TTC34: variants seen among roughly 807,000 people sequenced by gnomAD.
TTC34 encodes the protein tetratricopeptide repeat domain 34.
A neutral mutation model predicts 40.7 loss-of-function variants in TTC34; 44 were observed. The observed-to-expected ratio is 1.08, with a 90% CI of 0.85 to 1.39. The LOEUF (loss-of-function observed/expected upper bound fraction) is 1.39. Among genes scored for constraint, TTC34 ranks in the 40% most tolerant of loss-of-function variants. The pLI is 0.00. For missense variants in TTC34, 884 were observed against 838.0 expected, an observed-to-expected ratio of 1.05 and a Z score of -0.68; for synonymous variants, 422 against 398.6, an observed-to-expected ratio of 1.06 and a Z score of -0.70.
At chr1:2,783,653 G>C in exon 6 of TTC34, 1 of 1,524,956 alleles carries the variant, frequency 6.6e-7, no homozygotes, top group Non-Finnish European at 8.8e-7. Context: ...CGTCCACACA[G>C]TGCCTGCACG....
intron 6 of TTC34, among the ~76,000 whole-genome samples, chr1:2,763,957 CA>C (rs1641712579): frequency 4.5e-4 from 5 of 11,212 alleles, no homozygotes; most frequent in African/African-American, 6.7e-4. Flanking sequence ...GAGAATCTGA[CA>C]CCATAAAACA....
At position 2,779,344 on chromosome 1, in the gene TTC34, G is replaced by A. The variant is rs148852116; in HGVS notation, c.2226+4265C>T. Among the ~76,000 whole-genome samples, 869 of 151,566 alleles carry A rather than the reference G, an allele frequency of 5.7e-3. 10 individuals carry two copies. The highest frequency in any genetic ancestry group is 0.018 in the Admixed American group (270 of 15,258). On this transcript the variant is annotated intron_variant, in intron 6 of 8. Coordinates refer to ENST00000401095, the Ensembl canonical transcript of TTC34. ...CTATTTTTTTTTTCTTTTTTTTGGA[G>A]CTGGAGTCTCGCTCTGTCGCCCAGG...
intron 6 of TTC34, among the ~76,000 whole-genome samples, chr1:2,687,481 C>G (rs1640417701): frequency 1.3e-5 from 2 of 148,972 alleles, no homozygotes; most frequent in African/African-American, 5.2e-5. Context: ...GAACAGCACC[C>G]ACACACTCAG....
At chr1:2,750,343 AGC>A (rs2100427257) in intron 6 of TTC34, among the ~76,000 whole-genome samples, 2 of 82,770 alleles carry the variant, frequency 2.4e-5, no homozygotes, top group Admixed American at 1.5e-4. Flanking sequence ...AGCCTCTGAC[AGC>A]CTTGAACAGC....
chr1:2,698,209 C>G (rs201725264), intron 6 of TTC34, among the ~76,000 whole-genome samples: 823 of 51,422 alleles, frequency 0.016, 173 homozygotes, highest in Admixed American at 0.1. Flanking sequence ...CCCACACCCC[C>G]AGGCGAGCAT....
chr1:2,751,186 C>A (rs1288599397), intron 6 of TTC34, among the ~76,000 whole-genome samples: 1 of 60,296 alleles, frequency 1.7e-5, no homozygotes, highest in African/African-American at 6.6e-5. Context: ...GAGCATCCGA[C>A]AGCCTGGAGC....
chr1:2,785,748 T>C (rs1036020677), intron 5 of TTC34, 71 bp downstream of exon 5: 50 of 1,463,666 alleles, frequency 3.4e-5, no homozygotes, highest in Non-Finnish European at 4.4e-5. Flanking sequence ...CCAACCAGCA[T>C]GGCAGAGACT....
At chr1:2,684,576 A>T (rs1315189908) in intron 6 of TTC34, among the ~76,000 whole-genome samples, 1 of 134,646 alleles carries the variant, frequency 7.4e-6, no homozygotes, top group Admixed American at 7.4e-5. Context: ...AGCATCCGAT[A>T]GCCTGGAGCA....
At chr1:2,694,259 GC>G (rs1640760822) in intron 6 of TTC34, among the ~76,000 whole-genome samples, 11 of 108,784 alleles carry the variant, frequency 1.0e-4, no homozygotes, top group Non-Finnish European at 1.6e-4. Flanking sequence ...GCCTGGAGCA[GC>G]ACCCCACACC....
At chr1:2,777,697 G>GGC (rs1553168971) in intron 6 of TTC34, among the ~76,000 whole-genome samples, 1 of 151,738 alleles carries the variant, frequency 6.6e-6, no homozygotes, top group Admixed American at 6.6e-5. Context: ...ATGGGGGGGG[G>GGC]GGCGCAGCAT....
At chr1:2,683,813 A>G (rs1327780294) in intron 6 of TTC34, among the ~76,000 whole-genome samples, 1 of 148,244 alleles carries the variant, frequency 6.7e-6, no homozygotes, top group African/African-American at 2.5e-5. Flanking sequence ...AGCATCTGAC[A>G]GCCGGGAACA....
At chr1:2,693,147 CCCA>C (rs1640704068) in intron 6 of TTC34, among the ~76,000 whole-genome samples, 1 of 60,262 alleles carries the variant, frequency 1.7e-5, no homozygotes, top group Non-Finnish European at 3.6e-5. Flanking sequence ...AACCCACACC[CCCA>C]GGCGAGCATC....
chr1:2,641,371 C>G, exon 9 of TTC34: 1 of 1,507,420 alleles, frequency 6.6e-7, no homozygotes, highest in South Asian at 1.3e-5. Flanking sequence ...GGCCCAGTCA[C>G]TGTAGCCAGC....
intron 6 of TTC34, among the ~76,000 whole-genome samples, chr1:2,687,479 C>T (rs1640417516): frequency 4.1e-5 from 6 of 146,922 alleles, no homozygotes; most frequent in African/African-American, 1.6e-4. Context: ...TGGAACAGCA[C>T]CCACACACTC....
chr1:2,750,203 C>A (rs1641269319), intron 6 of TTC34, among the ~76,000 whole-genome samples: 82 of 143,148 alleles, frequency 5.7e-4, no homozygotes, highest in East Asian at 8.3e-4. Context: ...GGCACCCACA[C>A]CCCCAGGTGC....
At chr1:2,777,373 C>T (rs1218665154) in intron 6 of TTC34, among the ~76,000 whole-genome samples, 1 of 151,622 alleles carries the variant, frequency 6.6e-6, no homozygotes, top group Non-Finnish European at 1.5e-5. Flanking sequence ...CAACACCCCA[C>T]ACCTCCAGGG....
chr1:2,750,109 G>C (rs1641266539), intron 6 of TTC34, among the ~76,000 whole-genome samples: 4 of 148,800 alleles, frequency 2.7e-5, no homozygotes, highest in Admixed American at 6.7e-5. Context: ...TGACAGCCTG[G>C]AACAGCACCC....
intron 8 of TTC34, among the ~76,000 whole-genome samples, chr1:2,642,506 C>G (rs1021908358): frequency 1.3e-5 from 2 of 150,866 alleles, no homozygotes; most frequent in East Asian, 3.9e-4. Context: ...GCCTGCCTGC[C>G]CCCCCCACTC....
Position 2,645,199 on chromosome 1 carries a change from C to T in TTC34, c.2497+94G>A, listed in dbSNP as rs912110167. 1.5e-6 allele frequency: 2 copies of T among 1,344,456 alleles called. No individual in the cohort carries two copies. Among genetic ancestry groups the T allele is most frequent in the Non-Finnish European group, 1.9e-6 (2 of 1,043,002 alleles). 83.3% of individuals were successfully genotyped at this position (1,344,456 alleles called of 1,614,324 possible). A position where few individuals can be genotyped will look rare whatever the true frequency, so the allele number is the denominator to read the frequency against. On this transcript the variant is annotated intron_variant, in intron 7 of 8. Transcript: ENST00000401095. This position sits in a 1 kb window ranked among gnomAD's most constrained non-coding sequence, Gnocchi z 4.7. ...TTGGAAGCTGTTGTGGTCCGGGTCT[C>T]TTTCTTCCATTTTTACAGAACAGGA...
Sources: allele counts gnomAD v4.1 joint callset (sites outside exome capture counted in the v4.1 genomes callset), GRCh38; gene constraint gnomAD v4.1.1; non-coding constraint Gnocchi (gnomAD v3.1); transcripts MANE v1.5; gene names NCBI Gene and HGNC (gene_info 2026-07-23, HGNC 2026-07-21).